KLF12: variants seen among roughly 807,000 people sequenced by gnomAD.
The protein encoded by KLF12 is Krueppel-like factor 12.
Under a neutral mutation model 37.8 loss-of-function variants are expected in KLF12, and 9 were observed. The observed-to-expected ratio is 0.24, with a 90% CI of 0.14 to 0.42. KLF12 has a LOEUF of 0.42. KLF12 is among the 10% of genes least tolerant of loss of function. KLF12 has a pLI of 1.00. For synonymous variants in KLF12, 208 were observed against 202.1 expected (o/e 1.03, Z -0.25); for missense variants, 411 against 516.0 (o/e 0.80, Z 1.97).
intron 4 of KLF12, among the ~76,000 whole-genome samples, chr13:73,843,305 T>C (rs966067223): frequency 2.6e-5 from 4 of 152,086 alleles, no homozygotes; most frequent in African/African-American, 7.2e-5. Context: ...GTATACATTA[T>C]GTTCTTTTTT....
chr13:73,790,097 T>G (rs1271094402), intron 5 of KLF12, among the ~76,000 whole-genome samples: 1 of 152,206 alleles, frequency 6.6e-6, no homozygotes, highest in Admixed American at 6.5e-5. Context: ...TAATCACCAC[T>G]GAGTACACAA....
At chr13:74,113,949 C>G (rs1447503847) in intron 1 of KLF12, among the ~76,000 whole-genome samples, 1 of 152,136 alleles carries the variant, frequency 6.6e-6, no homozygotes, top group East Asian at 1.9e-4. Flanking sequence ...GATTCCAACC[C>G]TCACGGATGA....
chr13:74,294,841 C>T, the KLF12 span, among the ~76,000 whole-genome samples: 1 of 152,150 alleles, frequency 6.6e-6, no homozygotes, highest in African/African-American at 2.4e-5. Flanking sequence ...GCAGTAATAA[C>T]CTCCGATTTA....
intron 3 of KLF12, among the ~76,000 whole-genome samples, chr13:73,923,485 G>A (rs908858982): frequency 6.6e-6 from 1 of 152,130 alleles, no homozygotes; most frequent in Non-Finnish European, 1.5e-5. Context: ...TTTCTCAGAC[G>A]TCTCCAGGCT....
chr13:74,063,672 A>C (rs1190403796), intron 1 of KLF12, among the ~76,000 whole-genome samples: 1 of 152,246 alleles, frequency 6.6e-6, no homozygotes, highest in Admixed American at 6.5e-5. Flanking sequence ...AATCACAGCA[A>C]ACTTTAGTGA....
the KLF12 span, among the ~76,000 whole-genome samples, chr13:74,175,560 G>A: frequency 5.2e-3 from 784 of 152,220 alleles, 6 homozygotes; most frequent in African/African-American, 0.017. Context: ...GCTTCCAGGG[G>A]CATCCCTGAG....
chr13:73,926,694 C>CAA (rs1889394195), intron 3 of KLF12, among the ~76,000 whole-genome samples: 1 of 149,808 alleles, frequency 6.7e-6, no homozygotes, highest in African/African-American at 2.5e-5. Flanking sequence ...CAGAACTAAT[C>CAA]AAACTATATC....
At chr13:73,861,670 C>CT (rs1373212463) in intron 3 of KLF12, among the ~76,000 whole-genome samples, 5 of 152,042 alleles carry the variant, frequency 3.3e-5, no homozygotes, top group African/African-American at 7.2e-5. Flanking sequence ...TTATATATTA[C>CT]TTTTTTTTAA....
intron 1 of KLF12, among the ~76,000 whole-genome samples, chr13:74,043,010 T>A (rs1893447917): frequency 6.6e-6 from 1 of 150,408 alleles, no homozygotes; most frequent in Admixed American, 6.6e-5. Context: ...CCAATATTAA[T>A]ACAAAAAAGA....
chr13:73,711,296 A>T (rs1009582506), intron 7 of KLF12, among the ~76,000 whole-genome samples: 1 of 152,244 alleles, frequency 6.6e-6, no homozygotes, highest in Admixed American at 6.5e-5. Flanking sequence ...CAGCCATACT[A>T]AACTACAGAT....
At chr13:74,059,505 C>T (rs975415751) in intron 1 of KLF12, among the ~76,000 whole-genome samples, 1 of 152,118 alleles carries the variant, frequency 6.6e-6, no homozygotes, top group African/African-American at 2.4e-5. Flanking sequence ...AAGATGATAT[C>T]TCATTGTGGT....
intron 1 of KLF12, among the ~76,000 whole-genome samples, chr13:74,100,430 C>T (rs557763794): frequency 6.6e-6 from 1 of 152,226 alleles, no homozygotes; most frequent in Non-Finnish European, 1.5e-5. Flanking sequence ...CAAGCCTGGC[C>T]AACATGGCAA....
intron 6 of KLF12, among the ~76,000 whole-genome samples, chr13:73,727,002 C>G (rs1876715025): frequency 6.6e-6 from 1 of 152,168 alleles, no homozygotes; most frequent in Admixed American, 6.5e-5. Flanking sequence ...AGTTGTACCT[C>G]ACTGTAGTTT....
chr13:73,777,908 G>A (rs1286919116), intron 5 of KLF12, among the ~76,000 whole-genome samples: 2 of 151,924 alleles, frequency 1.3e-5, no homozygotes, highest in African/African-American at 4.8e-5. Context: ...GAGGCGGGCA[G>A]ATCACCTGAG....
At chr13:73,927,428 C>T (rs558787769) in intron 3 of KLF12, among the ~76,000 whole-genome samples, 7 of 152,312 alleles carry the variant, frequency 4.6e-5, no homozygotes, top group African/African-American at 1.7e-4. Flanking sequence ...CATTCCCATC[C>T]GTGTTTTCCA....
At chr13:73,725,246 G>A (rs953303505) in intron 6 of KLF12, among the ~76,000 whole-genome samples, 5 of 151,956 alleles carry the variant, frequency 3.3e-5, no homozygotes, top group Middle Eastern at 3.2e-3. Flanking sequence ...AACTACAGGC[G>A]CCCGCCACCA....
intron 1 of KLF12, among the ~76,000 whole-genome samples, chr13:74,118,905 C>A (rs563800259): frequency 1.3e-5 from 2 of 152,196 alleles, no homozygotes; most frequent in African/African-American, 4.8e-5. Context: ...GGAGACCAAA[C>A]ACGTGAAGAG....
At chr13:74,166,592 A>G in the KLF12 span, among the ~76,000 whole-genome samples, 6 of 152,126 alleles carry the variant, frequency 3.9e-5, no homozygotes, top group African/African-American at 1.2e-4. Flanking sequence ...AAACCGACAT[A>G]TAAGTTCTCC....
chr13:74,098,121 T>G (rs1349562758), intron 1 of KLF12, among the ~76,000 whole-genome samples: 1 of 152,122 alleles, frequency 6.6e-6, no homozygotes, highest in Non-Finnish European at 1.5e-5. Context: ...ATCCCAGAAA[T>G]CCTGACCCCA....
Sources: allele counts gnomAD v4.1 joint callset (sites outside exome capture counted in the v4.1 genomes callset), GRCh38; gene constraint gnomAD v4.1.1; transcripts MANE v1.5; gene names NCBI Gene and HGNC (gene_info 2026-07-23, HGNC 2026-07-21).